Variants in CCSER1 observed in about 807,000 individuals in gnomAD.
CCSER1 encodes coiled-coil serine rich protein 1.
CCSER1 carries 41 observed loss-of-function variants against 82.0 expected under a neutral mutation model. That is an observed-to-expected ratio of 0.50 (90% CI 0.39 to 0.65). The LOEUF (loss-of-function observed/expected upper bound fraction) is 0.65. Ranked by LOEUF, CCSER1 falls within the 30% of genes least tolerant of loss-of-function variation. CCSER1 has a pLI of 0.00. For missense variants in CCSER1, 1,119 were observed against 1,064.2 expected, an observed-to-expected ratio of 1.05 and a Z score of -0.72; for synonymous variants, 414 against 383.9, an observed-to-expected ratio of 1.08 and a Z score of -0.92.
At chr4:91,574,269 G>A (rs1487359002) in intron 10 of CCSER1, among the ~76,000 whole-genome samples, 1 of 151,072 alleles carries the variant, frequency 6.6e-6, no homozygotes, top group Non-Finnish European at 1.5e-5. Flanking sequence ...AAAAAAAAAT[G>A]AATGCTTATA....
intron 8 of CCSER1, among the ~76,000 whole-genome samples, chr4:90,859,548 A>G (rs1764831886): frequency 6.6e-6 from 1 of 151,790 alleles, no homozygotes. Context: ...AGGATGATAG[A>G]ATTAAAAAAT....
intron 10 of CCSER1, among the ~76,000 whole-genome samples, chr4:91,107,008 A>AT (rs141080199): frequency 0.014 from 2,180 of 151,988 alleles, 54 homozygotes; most frequent in African/African-American, 0.047. Context: ...ATACTGGTGT[A>AT]TTTTTTTTAT....
At chr4:90,651,024 G>C (rs1036998907) in intron 6 of CCSER1, among the ~76,000 whole-genome samples, 1 of 152,124 alleles carries the variant, frequency 6.6e-6, no homozygotes, top group African/African-American at 2.4e-5. Context: ...CTTCAATTCT[G>C]TTTCTTCATT....
At chr4:90,769,272 A>G (rs777210100) in intron 7 of CCSER1, among the ~76,000 whole-genome samples, 5 of 152,184 alleles carry the variant, frequency 3.3e-5, no homozygotes, top group Admixed American at 6.6e-5. Flanking sequence ...CAGGAGACCC[A>G]TGAAGTTCTT....
chr4:91,140,908 C>T (rs1728962095), intron 10 of CCSER1, among the ~76,000 whole-genome samples: 3 of 152,048 alleles, frequency 2.0e-5, no homozygotes, highest in Non-Finnish European at 4.4e-5. Context: ...GGACCTGTCA[C>T]CCAAGTAGTG....
chr4:90,986,305 GTTTTAACCTTGATGT>G (rs1201087493), intron 9 of CCSER1, among the ~76,000 whole-genome samples: 1 of 151,664 alleles, frequency 6.6e-6, no homozygotes, highest in East Asian at 1.9e-4. Flanking sequence ...AGCTTGACTA[GTTTTAACCTTGATGT>G]TTTTAATACA....
chr4:90,755,390 G>A (rs1749345967), intron 7 of CCSER1, among the ~76,000 whole-genome samples: 1 of 152,050 alleles, frequency 6.6e-6, no homozygotes, highest in Non-Finnish European at 1.5e-5. Context: ...TCATCTCTCT[G>A]TACCTGCCAT....
At chr4:90,238,851 A>G (rs1746300484) in intron 1 of CCSER1, among the ~76,000 whole-genome samples, 1 of 151,504 alleles carries the variant, frequency 6.6e-6, no homozygotes, top group Non-Finnish European at 1.5e-5. Flanking sequence ...TTCTTCTAGC[A>G]TTAATTTTTT....
At position 90,750,192 on chromosome 4, in the gene CCSER1, G is replaced by T. The variant is rs572638502; in HGVS notation, c.2010+26201G>T. 5.3e-5 allele frequency among the ~76,000 whole-genome samples: 8 copies of T among 151,838 alleles called. No homozygotes were observed. The East Asian group carries it at 1.6e-3, about 30-fold the overall frequency. Reference sequence around the variant, plus strand: ...AGTTCGTTGTAGATTCTGGATATTAGCCCTTTGTCAGATGAGTAGGTTGCG... The same window carrying T: ...AGTTCGTTGTAGATTCTGGATATTATCCCTTTGTCAGATGAGTAGGTTGCG... On this transcript the variant is annotated intron_variant, in intron 7 of 10. Transcript: ENST00000509176.
chr4:90,416,636 G>T (rs951478195), intron 4 of CCSER1, among the ~76,000 whole-genome samples: 2 of 152,108 alleles, frequency 1.3e-5, no homozygotes, highest in Non-Finnish European at 2.9e-5. Flanking sequence ...TTAATTCCTT[G>T]TTAAAGACGT....
chr4:90,327,596 A>G (rs1325566671), intron 3 of CCSER1, among the ~76,000 whole-genome samples: 1 of 152,166 alleles, frequency 6.6e-6, no homozygotes, highest in Admixed American at 6.5e-5. Flanking sequence ...CTCACTGCCT[A>G]TGAATTCCTC....
chr4:90,941,488 ATT>A lies in CCSER1; in HGVS notation c.2172+18042_2172+18043del, dbSNP rs566548197. 3.1e-4 allele frequency among the ~76,000 whole-genome samples: 47 copies of A among 152,208 alleles called. No individual in the cohort carries two copies. The East Asian group carries it at 7.7e-3, about 25-fold the overall frequency. On this transcript the variant is annotated intron_variant, in intron 9 of 10. Transcript: ENST00000509176. ...TTTTCCTTAGTTACCTAAATTTAAT[ATT>A]GTTTTAAATATTTATTTCTTTATAA...
chr4:90,291,351 G>C (rs1240569000), intron 1 of CCSER1, among the ~76,000 whole-genome samples: 2 of 151,922 alleles, frequency 1.3e-5, no homozygotes, highest in African/African-American at 4.8e-5. Context: ...TACAATAGTT[G>C]GTCGCCAAGG....
chr4:90,643,786 A>G (rs1486362584), intron 6 of CCSER1, among the ~76,000 whole-genome samples: 1 of 151,498 alleles, frequency 6.6e-6, no homozygotes, highest in Non-Finnish European at 1.5e-5. Flanking sequence ...TTTAGCAGTC[A>G]TAGGTTTCTT....
chr4:90,358,242 C>T (rs1301788353), intron 3 of CCSER1, among the ~76,000 whole-genome samples: 4 of 146,568 alleles, frequency 2.7e-5, no homozygotes, highest in Non-Finnish European at 6.0e-5. Flanking sequence ...ATTTATATTA[C>T]CTCTACTTGA....
At chr4:91,379,966 C>T (rs753364233) in intron 10 of CCSER1, among the ~76,000 whole-genome samples, 5 of 152,168 alleles carry the variant, frequency 3.3e-5, no homozygotes, top group Non-Finnish European at 4.4e-5. Context: ...TTGTTGGTTT[C>T]AAAGAACATC....
At chr4:90,332,198 AT>A (rs1739421311) in intron 3 of CCSER1, among the ~76,000 whole-genome samples, 1 of 151,950 alleles carries the variant, frequency 6.6e-6, no homozygotes, top group Non-Finnish European at 1.5e-5. Context: ...CACTTTAGTT[AT>A]GCCACGTCGC....
intron 10 of CCSER1, among the ~76,000 whole-genome samples, chr4:91,391,580 C>G (rs960527356): frequency 6.6e-6 from 1 of 152,174 alleles, no homozygotes; most frequent in Non-Finnish European, 1.5e-5. Flanking sequence ...AGATTATAGG[C>G]ATAAGCCACC....
At chr4:90,760,860 C>G (rs1368689550) in intron 7 of CCSER1, among the ~76,000 whole-genome samples, 1 of 151,922 alleles carries the variant, frequency 6.6e-6, no homozygotes, top group Non-Finnish European at 1.5e-5. Context: ...TGTTTTTTGG[C>G]ATATACAGGG....
Sources: gnomAD v4.1 joint callset for allele counts (sites outside exome capture counted in the v4.1 genomes callset) on GRCh38, gnomAD v4.1.1 for gene constraint, MANE v1.5 for transcripts, NCBI Gene and HGNC (gene_info 2026-07-23, HGNC 2026-07-21) for gene names.